ROBO2: variants seen among roughly 807,000 people sequenced by gnomAD.
ROBO2 encodes the protein roundabout guidance receptor 2.
In ROBO2, 53 loss-of-function variants were observed where a neutral mutation model predicts 160.8. The observed-to-expected ratio is 0.33, with a 90% CI of 0.26 to 0.41. The LOEUF is 0.41. Among genes scored for constraint, ROBO2 ranks in the 10% least tolerant of loss-of-function variants. The probability of loss-of-function intolerance (pLI) is 1.00; values close to 1 mark genes in which losing one functional copy is unlikely to be tolerated. For missense variants in ROBO2, 1,577 were observed against 1,722.4 expected, an observed-to-expected ratio of 0.92 and a Z score of 1.49; for synonymous variants, 664 against 611.7, an observed-to-expected ratio of 1.09 and a Z score of -1.26.
intron 2 of ROBO2, among the ~76,000 whole-genome samples, chr3:76,289,710 G>T (rs927331709): frequency 3.3e-5 from 5 of 152,054 alleles, no homozygotes; most frequent in Non-Finnish European, 5.9e-5. Flanking sequence ...TCTGCATATG[G>T]CTAGCCAGTT....
intron 1 of ROBO2, among the ~76,000 whole-genome samples, chr3:77,063,976 T>A (rs1169035671): frequency 6.6e-6 from 1 of 152,230 alleles, no homozygotes; most frequent in Non-Finnish European, 1.5e-5. Context: ...ATAAACACTT[T>A]GCATTGTACT....
chr3:76,973,979 G>T (rs2059694857), intron 2 of ROBO2, among the ~76,000 whole-genome samples: 1 of 152,130 alleles, frequency 6.6e-6, no homozygotes, highest in Admixed American at 6.6e-5. Context: ...AGTTATGGCA[G>T]GACAAGAGGT....
At chr3:76,972,542 TAA>T (rs2059622674) in intron 2 of ROBO2, among the ~76,000 whole-genome samples, 1 of 152,072 alleles carries the variant, frequency 6.6e-6, no homozygotes, top group African/African-American at 2.4e-5. Flanking sequence ...TATATAAATA[TAA>T]GTGATCTTTT....
intron 2 of ROBO2, among the ~76,000 whole-genome samples, chr3:76,657,686 GTGTGTATATA>G (rs2091616553): frequency 8.7e-6 from 1 of 114,288 alleles, no homozygotes; most frequent in African/African-American, 3.8e-5. Context: ...ATACATATAT[GTGTGTATATA>G]TATTCATATA....
At chr3:77,608,525 G>T (rs191492081) in intron 21 of ROBO2, among the ~76,000 whole-genome samples, 54 of 152,272 alleles carry the variant, frequency 3.5e-4, no homozygotes, top group African/African-American at 1.1e-3. Context: ...TTCTTCGAGG[G>T]TCTTTAAATG....
intron 2 of ROBO2, among the ~76,000 whole-genome samples, chr3:76,021,505 A>G (rs1421578216): frequency 6.6e-6 from 1 of 151,770 alleles, no homozygotes; most frequent in Non-Finnish European, 1.5e-5. Flanking sequence ...CGTCCCTATT[A>G]TACATGAAGA....
intron 2 of ROBO2, among the ~76,000 whole-genome samples, chr3:77,283,056 A>G (rs2060348402): frequency 6.6e-6 from 1 of 152,112 alleles, no homozygotes; most frequent in Non-Finnish European, 1.5e-5. Context: ...TTTTTAAAAC[A>G]TTATTAATGT....
intron 2 of ROBO2, among the ~76,000 whole-genome samples, chr3:77,274,998 T>C (rs2059738170): frequency 6.6e-6 from 1 of 152,148 alleles, no homozygotes; most frequent in African/African-American, 2.4e-5. Flanking sequence ...TGAATATTTT[T>C]CAAATAAATA....
chr3:77,620,125 A>T (rs1005521392), intron 22 of ROBO2, among the ~76,000 whole-genome samples: 1 of 152,032 alleles, frequency 6.6e-6, no homozygotes, highest in Non-Finnish European at 1.5e-5. Flanking sequence ...GTGTGTTCCT[A>T]CTCAACCAGC....
intron 1 of ROBO2, among the ~76,000 whole-genome samples, chr3:77,049,530 AC>A (rs1253749196): frequency 1.3e-5 from 2 of 152,178 alleles, no homozygotes; most frequent in African/African-American, 4.8e-5. Context: ...TTCATTAATG[AC>A]CAGTGGTACT....
chr3:77,308,666 ATCT>A (rs756753967), intron 2 of ROBO2, among the ~76,000 whole-genome samples: 1 of 152,220 alleles, frequency 6.6e-6, no homozygotes, highest in Non-Finnish European at 1.5e-5. Context: ...GCCACTTATC[ATCT>A]TCAGTGAAAC....
rs528825914 is a variant in ROBO2 at position 76,814,527 on chromosome 3, A to T, written c.110-283487A>T. 4.6e-5 allele frequency among the ~76,000 whole-genome samples: 7 copies of T among 152,254 alleles called. No individual in the cohort carries two copies. The South Asian group carries it at 1.0e-3, about 23-fold the overall frequency. On this transcript the variant is annotated intron_variant, in intron 2 of 26. Transcript: ENST00000487694. ...CCACTATGGCTAATAGGAAGCAGCTAAACGTGGTTTGTGCAAAATTATTTT... is the reference window on the plus strand; with the variant it reads ...CCACTATGGCTAATAGGAAGCAGCTTAACGTGGTTTGTGCAAAATTATTTT...
intron 2 of ROBO2, among the ~76,000 whole-genome samples, chr3:76,921,211 T>C (rs1000258448): frequency 1.3e-5 from 2 of 152,228 alleles, no homozygotes; most frequent in African/African-American, 4.8e-5. Flanking sequence ...ATTTAGGATG[T>C]ATTACAGTTT....
intron 20 of ROBO2, 46 bp from the exon 22 acceptor site, chr3:77,607,752 T>C: frequency 6.4e-7 from 1 of 1,570,248 alleles, no homozygotes. Context: ...GTATTCTCTT[T>C]ATTCTGCTAT....
At position 77,067,693 on chromosome 3, in the gene ROBO2, C is replaced by G. The variant is rs186488477; in HGVS notation, c.61+26847C>G. Among the ~76,000 whole-genome samples, 4 of 152,200 alleles carry G rather than the reference C, an allele frequency of 2.6e-5. No homozygotes were observed. The East Asian group carries it at 7.7e-4, about 29-fold the overall frequency. ...TTCTTTGATGAAAGTCACATGTTTTCTACTGATATATTGTCTTTAGCCTCA... is the reference window on the plus strand; with the variant it reads ...TTCTTTGATGAAAGTCACATGTTTTGTACTGATATATTGTCTTTAGCCTCA... On this transcript the variant is annotated intron_variant, in intron 1 of 25. Coordinates refer to ENST00000461745, the Ensembl canonical transcript of ROBO2.
intron 2 of ROBO2, among the ~76,000 whole-genome samples, chr3:76,523,449 T>C (rs927135427): frequency 6.6e-6 from 1 of 152,084 alleles, no homozygotes; most frequent in African/African-American, 2.4e-5. Flanking sequence ...CTAAACTCTT[T>C]GTTTTAGAAA....
chr3:76,055,501 TC>T (rs1383088584), intron 2 of ROBO2, among the ~76,000 whole-genome samples: 1 of 152,006 alleles, frequency 6.6e-6, no homozygotes, highest in Non-Finnish European at 1.5e-5. Flanking sequence ...CCTGTCGCCC[TC>T]CCCCCTTTTG....
At chr3:76,593,301 A>G (rs1197883404) in intron 2 of ROBO2, among the ~76,000 whole-genome samples, 2 of 152,038 alleles carry the variant, frequency 1.3e-5, no homozygotes, top group Non-Finnish European at 2.9e-5. Context: ...TTACTGATAG[A>G]TCATCAAGAT....
In ROBO2 at chr3:77,485,442, T is replaced by G. The variant is rs527330276; in HGVS notation, c.667+4223T>G. Among the ~76,000 whole-genome samples, 13 of 152,168 alleles carry G rather than the reference T, an allele frequency of 8.5e-5. 1 individual carries two copies. In the South Asian group the frequency reaches 2.1e-3, roughly 24 times the overall value. On this transcript the variant is annotated intron_variant, in intron 4 of 25. Transcript: ENST00000461745. ...GTATGTGATCAGTTTTCTTTTTCTT[T>G]TTCTTTTCTTCCCAAATGTTTGGTG...
Sources: allele counts gnomAD v4.1 joint callset (sites outside exome capture counted in the v4.1 genomes callset), GRCh38; gene constraint gnomAD v4.1.1; transcripts MANE v1.5; gene names NCBI Gene and HGNC (gene_info 2026-07-23, HGNC 2026-07-21).